The following CDKL1 variants were observed in gnomAD, a reference collection of about 807,000 sequenced individuals.
CDKL1 encodes the protein cyclin dependent kinase like 1, also known as cyclin-dependent kinase-like 1.
CDKL1 carries 41 observed loss-of-function variants against 42.0 expected under a neutral mutation model. That is an observed-to-expected ratio of 0.98 (90% confidence interval 0.76 to 1.27). The LOEUF (loss-of-function observed/expected upper bound fraction) is 1.27, where lower values mean the gene tolerates loss of function less well. Ranked by LOEUF, CDKL1 falls within the 50% of genes most tolerant of loss-of-function variation. CDKL1 has a pLI of 0.00. For missense variants in CDKL1, 394 were observed against 428.4 expected, an observed-to-expected ratio of 0.92 and a Z score of 0.71; for synonymous variants, 153 against 158.6, an observed-to-expected ratio of 0.96 and a Z score of 0.26.
At chr14:50,388,645 G>A (rs1023816820) in intron 2 of CDKL1, among the ~76,000 whole-genome samples, 13 of 152,150 alleles carry the variant, frequency 8.5e-5, no homozygotes, top group Admixed American at 2.6e-4. Flanking sequence ...CTGCTTGACC[G>A]CTGTTAGATG....
intron 2 of CDKL1, among the ~76,000 whole-genome samples, chr14:50,375,569 C>T (rs952009048): frequency 2.0e-5 from 3 of 152,146 alleles, no homozygotes; most frequent in Non-Finnish European, 4.4e-5. Context: ...GTCGCTGAGG[C>T]GGGCAGATCA....
intron 2 of CDKL1, among the ~76,000 whole-genome samples, chr14:50,374,582 G>C (rs1262697176): frequency 6.6e-6 from 1 of 152,226 alleles, no homozygotes; most frequent in African/African-American, 2.4e-5. Flanking sequence ...AGGCTAGAAT[G>C]ACCCATTAGA....
Position 50,345,078 on chromosome 14 carries a change from A to T in CDKL1, c.291-20T>A. On this transcript the variant is annotated intron_variant, in intron 3 of 9. Coordinates refer to ENST00000395834, the MANE Select transcript of CDKL1 (RefSeq NM_004196.7). ...GGTACCCTAATAAAAATAAAGCAGC[A>T]CAAACACATTCTTTAGTGTAGCCAT... is the stretch of plus-strand genomic sequence containing the variant. 1 of 1,610,036 alleles carries T rather than the reference A, an allele frequency of 6.2e-7. No homozygotes were observed. Among genetic ancestry groups the T allele is most frequent in the Non-Finnish European group, 8.5e-7 (1 of 1,176,906 alleles).
chr14:50,335,784 G>A, intron 7 of CDKL1: 1 of 985,264 alleles, frequency 1.0e-6, no homozygotes, highest in Non-Finnish European at 1.2e-6. Context: ...CTGGTGCTGT[G>A]GCCAGCTTTC....
intron 3 of CDKL1, chr14:50,357,024 T>C (rs1454135378): frequency 1.3e-5 from 2 of 152,218 alleles, no homozygotes; most frequent in East Asian, 1.9e-4. Context: ...ACATGATTAA[T>C]CAAATTCCCT....
Position 50,359,103 on chromosome 14 carries a change from C to T in CDKL1, c.215G>A (p.Arg72Lys). Reference protein sequence around the residue: ...NLVNLLEVFRRKRRLHLVFEY... With the variant: ...NLVNLLEVFRKKRRLHLVFEY... ...AAACACCAGGTGAAGCCTCCGTTTC[C>T]TCCTGAAGACTTCCAGGAGGTTAAC... The change falls in exon 3 of 10, where the codon AGG becomes AAG. Residue 72 changes from arginine to lysine, a missense_variant. Coordinates refer to ENST00000395834, the MANE Select transcript of CDKL1 (RefSeq NM_004196.7). 1 of 1,612,924 alleles carries T rather than the reference C, an allele frequency of 6.2e-7. No homozygotes were observed. The highest frequency in any genetic ancestry group is 8.5e-7 in the Non-Finnish European group (1 of 1,179,036).
At chr14:50,378,854 CTT>C (rs140548824) in intron 2 of CDKL1, among the ~76,000 whole-genome samples, 15 of 138,960 alleles carry the variant, frequency 1.1e-4, no homozygotes, top group Non-Finnish European at 6.3e-5. Flanking sequence ...TCAAGACAAT[CTT>C]TTTTTTTTTT....
chr14:50,351,216 C>A (rs2033892207), intron 3 of CDKL1, among the ~76,000 whole-genome samples: 1 of 151,376 alleles, frequency 6.6e-6, no homozygotes, highest in Admixed American at 6.6e-5. Context: ...AAGACAAATC[C>A]AGGAAGTAAT....
intron 2 of CDKL1, among the ~76,000 whole-genome samples, chr14:50,370,594 G>A (rs1390249494): frequency 6.6e-6 from 1 of 152,150 alleles, no homozygotes; most frequent in East Asian, 1.9e-4. Context: ...CCTGAGACTG[G>A]GTAATTTATA....
chr14:50,386,594 G>A (rs1287736350), intron 2 of CDKL1, among the ~76,000 whole-genome samples: 1 of 152,108 alleles, frequency 6.6e-6, no homozygotes, highest in African/African-American at 2.4e-5. Context: ...AAAATCCCAG[G>A]ACACTTTACA....
chr14:50,397,202 A>G (rs1300257114), upstream of CDKL1: 2 of 1,366,466 alleles, frequency 1.5e-6, no homozygotes, highest in African/African-American at 3.0e-5. Flanking sequence ...TTTCCCTGCA[A>G]CAGCAGTCCC....
At chr14:50,362,982 C>T in intron 2 of CDKL1, 1 of 465,608 alleles carries the variant, frequency 2.1e-6, no homozygotes, top group Non-Finnish European at 4.5e-6. Flanking sequence ...ACTGCTGTAA[C>T]ACTTATGGCA....
At position 50,332,318 on chromosome 14, in the gene CDKL1, T is replaced by A; in HGVS notation, c.910A>T (p.Thr304Ser). The change falls in exon 9 of 10, where the codon ACA becomes TCA. Residue 304 changes from threonine to serine, a missense_variant. Coordinates refer to ENST00000395834, the MANE Select transcript of CDKL1 (RefSeq NM_004196.7). ...EDLAKEHNKP[T>S]RKTLRKSRKH... ...CGGCTCTTTCTTAGGGTCTTCCTTG[T>A]TGGTTTGTTGTGTTCTTTTGCCAAA... The A allele has an allele frequency of 6.2e-7, 1 of 1,613,942 alleles. No homozygotes were observed. Among genetic ancestry groups the A allele is most frequent in the South Asian group, 1.1e-5 (1 of 91,086 alleles).
intron 2 of CDKL1, among the ~76,000 whole-genome samples, chr14:50,386,129 G>A (rs72677853): frequency 0.08 from 12,138 of 151,658 alleles, 581 homozygotes; most frequent in African/African-American, 0.13. Context: ...AGAGAGAGAG[G>A]CAGAAACAGG....
At chr14:50,397,265 G>C, upstream of CDKL1, 1 of 1,366,556 alleles carries the variant, frequency 7.3e-7, no homozygotes. Context: ...CATCTTCTGT[G>C]TCTGTGCTGA....
At position 50,351,508 on chromosome 14, in the gene CDKL1, C is replaced by G. The variant is rs899620479; in HGVS notation, c.291-6450G>C. ...CAGCACTTTGGGAGGCTGAGGTGGG[C>G]AGATTGCTTGAGCCCAAAAGTTTGA... On this transcript the variant is annotated intron_variant, in intron 3 of 9. Coordinates refer to ENST00000395834, the MANE Select transcript of CDKL1 (RefSeq NM_004196.7). Among the ~76,000 whole-genome samples, 3 of 151,980 alleles carry G rather than the reference C, an allele frequency of 2.0e-5. No homozygotes were observed. The East Asian group carries it at 5.8e-4, about 29-fold the overall frequency.
intron 2 of CDKL1, among the ~76,000 whole-genome samples, chr14:50,394,283 G>A (rs1002932143): frequency 3.9e-5 from 6 of 152,216 alleles, no homozygotes; most frequent in African/African-American, 1.2e-4. Flanking sequence ...AGGGTGACCC[G>A]GGCAGGGGGA....
Position 50,330,261 on chromosome 14 carries a change from G to A in CDKL1, c.967-80C>T, listed in dbSNP as rs1213112481. ...TTATTTAGAATATATCACAAAAGAGGTAATTAAGCTTTTTAGTATAGAAGT... is the reference window on the plus strand; with the variant it reads ...TTATTTAGAATATATCACAAAAGAGATAATTAAGCTTTTTAGTATAGAAGT... On this transcript the variant is annotated intron_variant, in intron 9 of 9. Coordinates refer to ENST00000395834, the MANE Select transcript of CDKL1 (RefSeq NM_004196.7). 4.0e-6 allele frequency: 6 copies of A among 1,506,978 alleles called. 1 individual carries two copies. Among genetic ancestry groups the A allele is most frequent in the South Asian group, 2.5e-5 (2 of 78,590 alleles). 93.4% of individuals were successfully genotyped at this position (1,506,978 alleles called of 1,614,324 possible).
At chr14:50,377,045 C>T (rs2034753090) in intron 2 of CDKL1, among the ~76,000 whole-genome samples, 1 of 152,208 alleles carries the variant, frequency 6.6e-6, no homozygotes. Context: ...TGGGATTCTG[C>T]CTGGAGTGTT....
Sources: allele counts gnomAD v4.1 joint callset (sites outside exome capture counted in the v4.1 genomes callset), GRCh38; gene constraint gnomAD v4.1.1; transcripts MANE v1.5; gene names NCBI Gene and HGNC (gene_info 2026-07-23, HGNC 2026-07-21).